The following SP110 variants were observed in gnomAD, a reference collection of about 807,000 sequenced individuals.
The protein encoded by SP110 is SP110 nuclear body protein.
In SP110, 62 loss-of-function variants were observed where a neutral mutation model predicts 92.7. That is an observed-to-expected ratio of 0.67 (90% CI 0.55 to 0.83). The LOEUF (loss-of-function observed/expected upper bound fraction) is 0.83, where lower values mean the gene tolerates loss of function less well. Among genes scored for constraint, SP110 ranks in the 40% least tolerant of loss-of-function variants. The pLI is 0.00. For synonymous variants in SP110, 273 were observed against 305.3 expected, an observed-to-expected ratio of 0.89 and a Z score of 1.10; for missense variants, 793 against 863.9, an observed-to-expected ratio of 0.92 and a Z score of 1.03.
chr2:230,170,614 T>G lies in SP110; in HGVS notation c.2028+7A>C. On this transcript the variant is annotated splice_region_variant and intron_variant, in intron 18 of 18. Transcript: ENST00000258381. ...GACGCAAAAAGGAAGCAGGAAATGCTCTTTACCTTGTAAAATGTTTTATGG... is the reference window on the plus strand; with the variant it reads ...GACGCAAAAAGGAAGCAGGAAATGCGCTTTACCTTGTAAAATGTTTTATGG... 1 of 1,614,186 alleles carries G rather than the reference T, an allele frequency of 6.2e-7. No individual in the cohort carries two copies. The highest frequency in any genetic ancestry group is 8.5e-7 in the Non-Finnish European group (1 of 1,180,024).
intron 10 of SP110, among the ~76,000 whole-genome samples, chr2:230,198,171 G>A (rs1041733917): frequency 6.8e-6 from 1 of 146,498 alleles, no homozygotes; most frequent in Non-Finnish European, 1.5e-5. Context: ...CTATGTGGTA[G>A]GTCATGCTGC....
intron 8 of SP110, among the ~76,000 whole-genome samples, chr2:230,204,564 C>G (rs1269869290): frequency 2.0e-5 from 3 of 151,882 alleles, no homozygotes; most frequent in Non-Finnish European, 4.4e-5. Context: ...TTTGTCAGAT[C>G]ATTATTCAAA....
In SP110 at chr2:230,172,865, A is replaced by G; in HGVS notation, c.1685T>C (p.Ile562Thr). The change falls in exon 15 of 19, where the codon ATC (isoleucine) becomes ACC (threonine). Residue 562 changes from isoleucine (I) to threonine (T), a missense_variant. By Grantham distance (89) the Ile-to-Thr change is moderately conservative. Transcript: ENST00000258381. ...TCACCTCTTGGCTTCCACAGGGGGG[A>G]TGTGACAGTCCTCATGGAAGACTCG... ...CPRVFHEDCH[I>T]PPVEAKRMLW... The G allele has an allele frequency of 1.2e-6, 2 of 1,613,142 alleles. No individual in the cohort carries two copies. The highest frequency in any genetic ancestry group is 3.3e-4 in the Middle Eastern group (2 of 6,048).
At chr2:230,214,492 A>G (rs775389752) in intron 3 of SP110, among the ~76,000 whole-genome samples, 30 of 152,212 alleles carry the variant, frequency 2.0e-4, no homozygotes, top group Non-Finnish European at 3.8e-4. Flanking sequence ...GTTAAAAATG[A>G]CTTCAAAGGG....
upstream of SP110, chr2:230,221,575 T>A (rs1574827700): frequency 2.1e-6 from 2 of 948,174 alleles, no homozygotes; most frequent in Non-Finnish European, 3.2e-6. Context: ...CCAGGAAAAA[T>A]TCAATGCTAA....
At chr2:230,171,002 C>T (rs769675970) in intron 17 of SP110, 42 of 581,516 alleles carry the variant, frequency 7.2e-5, no homozygotes, top group Non-Finnish European at 1.1e-4. Context: ...ATGAGGAAAC[C>T]GAGGGATGGA....
chr2:230,209,252 T>C (rs984813611), intron 7 of SP110, among the ~76,000 whole-genome samples: 1 of 152,018 alleles, frequency 6.6e-6, no homozygotes, highest in African/African-American at 2.4e-5. Context: ...AGGCCAAGAA[T>C]TGGTGGAGGA....
At chr2:230,180,048 G>A (rs1449124012) in intron 12 of SP110, among the ~76,000 whole-genome samples, 2 of 152,202 alleles carry the variant, frequency 1.3e-5, no homozygotes, top group African/African-American at 4.8e-5. Flanking sequence ...GCAGCCCCAG[G>A]AACCCGGTGG....
intron 10 of SP110, among the ~76,000 whole-genome samples, chr2:230,195,730 C>T (rs12474683): frequency 0.76 from 116,228 of 152,062 alleles, 44,543 homozygotes; most frequent in Admixed American, 0.83. Flanking sequence ...CCAGAAATTA[C>T]ACAGTTATGA....
intron 10 of SP110, among the ~76,000 whole-genome samples, chr2:230,186,903 G>A (rs1036677287): frequency 1.3e-5 from 2 of 152,022 alleles, no homozygotes; most frequent in African/African-American, 4.8e-5. Flanking sequence ...ACATTCATTG[G>A]TCAATGGGCA....
chr2:230,176,790 T>G, intron 14 of SP110: 4 of 1,493,810 alleles, frequency 2.7e-6, no homozygotes, highest in East Asian at 2.3e-5. Flanking sequence ...GATACTGGCC[T>G]TCCCACTTCC....
intron 8 of SP110, among the ~76,000 whole-genome samples, chr2:230,204,913 G>T (rs1205677714): frequency 6.6e-6 from 1 of 152,182 alleles, no homozygotes; most frequent in Non-Finnish European, 1.5e-5. Context: ...AAAGGGGAGA[G>T]AAATGAAATG....
At chr2:230,174,971 A>G (rs766075470) in intron 14 of SP110, among the ~76,000 whole-genome samples, 3 of 152,200 alleles carry the variant, frequency 2.0e-5, no homozygotes, top group Non-Finnish European at 4.4e-5. Flanking sequence ...TTATGAGCTG[A>G]CATGTGGCAT....
Position 230,216,965 on chromosome 2 carries a change from G to T in SP110, c.-1-37C>A, listed in dbSNP as rs57654919. The T allele has an allele frequency of 4.2e-3, 6,704 of 1,594,796 alleles. 246 individuals are homozygous for T. The African/African-American group carries it at 0.081, about 19-fold the overall frequency. On this transcript the variant is annotated intron_variant, in intron 1 of 18. Transcript: ENST00000258381. ...GGCATGATAAAAAATAGAAGCAAAG[G>T]CTGGGCGCGGTGGCTCATGCCTGTA...
intron 10 of SP110, among the ~76,000 whole-genome samples, chr2:230,195,800 A>G (rs2042843773): frequency 6.6e-6 from 1 of 152,194 alleles, no homozygotes; most frequent in East Asian, 1.9e-4. Context: ...GGACTGAAAA[A>G]AACTGTTCAC....
At chr2:230,173,000 G>A (rs1441974873) in intron 14 of SP110, 41 bp from the exon 15 acceptor site, 2 of 1,336,362 alleles carry the variant, frequency 1.5e-6, no homozygotes, top group East Asian at 2.3e-5. Flanking sequence ...GGACCATGGA[G>A]ACCCACGAAT....
chr2:230,180,014 C>T (rs2042058110), intron 12 of SP110, among the ~76,000 whole-genome samples: 1 of 152,150 alleles, frequency 6.6e-6, no homozygotes, highest in African/African-American at 2.4e-5. Context: ...ATCTTACCAA[C>T]CAGGCCTTGA....
At position 230,170,670 on chromosome 2, in the gene SP110, A is replaced by G; in HGVS notation, c.1979T>C (p.Phe660Ser). 2 of 1,614,154 alleles carry G rather than the reference A, an allele frequency of 1.2e-6. No individual in the cohort carries two copies. Among genetic ancestry groups the G allele is most frequent in the Non-Finnish European group, 1.7e-6 (2 of 1,180,002 alleles). Reference sequence around the variant, plus strand: ...AAACATCAGGCGCATGTCTCGCACAAACCATGCCACCGTGTACATTTCCGT... The same window carrying G: ...AAACATCAGGCGCATGTCTCGCACAGACCATGCCACCGTGTACATTTCCGT... ...LITEMYTVAW[F>S]VRDMRLMFRN... The change falls in exon 18 of 19, where the codon TTT (phenylalanine) becomes TCT (serine). Residue 660 changes from phenylalanine to serine, a missense_variant. Phe to Ser is a radical substitution (Grantham distance 155, BLOSUM62 -2). Transcript: ENST00000258381.
At chr2:230,190,724 A>AT (rs2042586896) in intron 10 of SP110, among the ~76,000 whole-genome samples, 1 of 152,016 alleles carries the variant, frequency 6.6e-6, no homozygotes, top group Non-Finnish European at 1.5e-5. Flanking sequence ...ATCTTCAGTT[A>AT]TTTTTTGTAT....
Sources: gnomAD v4.1 joint callset for allele counts (sites outside exome capture counted in the v4.1 genomes callset) on GRCh38, gnomAD v4.1.1 for gene constraint, MANE v1.5 for transcripts, NCBI Gene and HGNC (gene_info 2026-07-23, HGNC 2026-07-21) for gene names.